USP30: variants seen among roughly 807,000 people sequenced by gnomAD.
USP30 encodes ubiquitin specific peptidase 30.
In USP30, 41 loss-of-function variants were observed where a neutral mutation model predicts 68.2. That is an observed-to-expected ratio of 0.60 (90% CI 0.47 to 0.78). USP30 has a LOEUF of 0.78. USP30 is among the 30% of genes least tolerant of loss of function. The pLI is 0.00. For missense variants in USP30, 522 were observed against 649.4 expected (o/e 0.80, Z 2.13); for synonymous variants, 229 against 253.7 (o/e 0.90, Z 0.93).
At chr12:109,025,570 A>G (rs1048530556) in intron 2 of USP30, among the ~76,000 whole-genome samples, 11 of 152,222 alleles carry the variant, frequency 7.2e-5, no homozygotes, top group Non-Finnish European at 1.3e-4. Context: ...GAACATGTCC[A>G]AAATTGAGAA....
rs567276793 is a variant in USP30, at chr12:109,036,394, A to G, written c.-136+8838A>G. On this transcript the variant is annotated intron_variant, in intron 3 of 15. Transcript: ENST00000392784. ...CAGCTCCCTGCAACCTCCACCTCCC[A>G]GGTTCAAGAGATTCTCCTGCCTCAG... Among the ~76,000 whole-genome samples, 319 of 150,966 alleles carry G rather than the reference A, an allele frequency of 2.1e-3. 1 individual carries two copies. The highest frequency in any genetic ancestry group is 7.1e-3 in the African/African-American group (290 of 41,110).
chr12:109,072,346 A>C lies in USP30; in HGVS notation c.621A>C (p.Thr207=), dbSNP rs760825546. 9.9e-6 allele frequency: 16 copies of C among 1,613,422 alleles called. No individual in the cohort carries two copies. ...EITPKQITCR[T]RGSPHPTSNH... ...CTCCCAAACAAATTACCTGCCGCAC[A>C]AGAGGTAGCTGTTTTCCATTGAAAT... is the stretch of plus-strand genomic sequence containing the variant. Residue 207 remains threonine, a synonymous_variant, in exon 6 of 13, where the codon ACA becomes ACC. Coordinates refer to ENST00000257548, the MANE Select transcript of USP30 (RefSeq NM_032663.5).
chr12:109,049,986 G>A (rs1026639872), upstream of USP30, among the ~76,000 whole-genome samples: 2 of 151,892 alleles, frequency 1.3e-5, no homozygotes, highest in Admixed American at 1.3e-4. Context: ...GCACAATAAA[G>A]TGAAGTGCAA....
chr12:109,066,162 G>T (rs1593263753), intron 3 of USP30, among the ~76,000 whole-genome samples: 1 of 151,420 alleles, frequency 6.6e-6, no homozygotes, highest in African/African-American at 2.4e-5. Context: ...CAAGATGGGA[G>T]GATTGCTTGG....
chr12:109,085,407 T>A (rs1369408264), intron 12 of USP30, among the ~76,000 whole-genome samples: 1 of 152,152 alleles, frequency 6.6e-6, no homozygotes, highest in African/African-American at 2.4e-5. Flanking sequence ...AAGTTGTACA[T>A]CACACATACA....
intron 3 of USP30, among the ~76,000 whole-genome samples, chr12:109,027,940 A>G (rs1249612851): frequency 6.6e-6 from 1 of 152,190 alleles, no homozygotes; most frequent in Non-Finnish European, 1.5e-5. Context: ...TCATATGGTA[A>G]CTATGTTTAA....
chr12:109,066,674 G>C (rs942131727), intron 3 of USP30, among the ~76,000 whole-genome samples: 2 of 152,040 alleles, frequency 1.3e-5, no homozygotes, highest in Non-Finnish European at 2.9e-5. Context: ...GACAGAGCAC[G>C]ACTCTGTTTC....
chr12:109,030,025 C>A (rs930747892), intron 3 of USP30, among the ~76,000 whole-genome samples: 1 of 152,180 alleles, frequency 6.6e-6, no homozygotes, highest in African/African-American at 2.4e-5. Flanking sequence ...TATTGAAATA[C>A]GTGTTGAACT....
At chr12:109,032,435 C>T (rs1377624526) in intron 3 of USP30, among the ~76,000 whole-genome samples, 5 of 151,990 alleles carry the variant, frequency 3.3e-5, no homozygotes, top group Admixed American at 2.6e-4. Flanking sequence ...TGTGGTATAC[C>T]CATACAATGG....
chr12:109,084,576 G>T (rs1043155404), intron 11 of USP30, among the ~76,000 whole-genome samples: 1 of 152,120 alleles, frequency 6.6e-6, no homozygotes, highest in Non-Finnish European at 1.5e-5. Flanking sequence ...GACAGCCCCC[G>T]CAACAAAGAA....
At chr12:109,078,896 C>A (rs1319047223) in intron 7 of USP30, among the ~76,000 whole-genome samples, 1 of 152,152 alleles carries the variant, frequency 6.6e-6, no homozygotes, top group Non-Finnish European at 1.5e-5. Flanking sequence ...ATTTTAAATT[C>A]ATCACTTTAA....
rs1055792882 is a variant in USP30 at position 109,030,279 on chromosome 12, A to C, written c.-136+2723A>C. On this transcript the variant is annotated intron_variant, in intron 3 of 15. Transcript: ENST00000392784. Reference sequence around the variant, plus strand: ...TGAGTCTCAGTTGCATCATCTGTAAAATAGAGACAGATACCAACCTGCAGG... The same window carrying C: ...TGAGTCTCAGTTGCATCATCTGTAACATAGAGACAGATACCAACCTGCAGG... 4.6e-5 allele frequency among the ~76,000 whole-genome samples: 7 copies of C among 152,172 alleles called. No individual in the cohort carries two copies. In the East Asian group the frequency reaches 1.3e-3, roughly 29 times the overall value.
chr12:109,075,487 A>G (rs965244808), intron 7 of USP30, among the ~76,000 whole-genome samples: 5 of 152,120 alleles, frequency 3.3e-5, no homozygotes, highest in African/African-American at 4.8e-5. Flanking sequence ...AGTAGCTGGG[A>G]TTACAGGCAC....
chr12:109,075,841 CTTTT>C (rs34221615), intron 7 of USP30, among the ~76,000 whole-genome samples: 12 of 119,668 alleles, frequency 1.0e-4, no homozygotes, highest in Admixed American at 1.7e-4. Context: ...GTTACTTTTT[CTTTT>C]TTTTTTTTTT....
intron 3 of USP30, among the ~76,000 whole-genome samples, chr12:109,063,457 A>G (rs965931025): frequency 2.0e-5 from 3 of 152,214 alleles, no homozygotes; most frequent in Non-Finnish European, 4.4e-5. Flanking sequence ...TCCCTCTGTC[A>G]GTCAGTGGAC....
chr12:109,073,654 A>G (rs2135785496), intron 7 of USP30, 122 bp downstream of exon 7: 1 of 786,052 alleles, frequency 1.3e-6, no homozygotes, highest in South Asian at 1.7e-5. Flanking sequence ...TGGCCTCTGC[A>G]CACTAGTGGA....
intron 4 of USP30, 32 bp from the exon 5 acceptor site, chr12:109,071,580 A>G (rs368198239): frequency 8.8e-6 from 14 of 1,599,238 alleles, no homozygotes; most frequent in East Asian, 2.2e-5. Flanking sequence ...GCCTCTTCCA[A>G]CCTCTCTAAA....
chr12:109,072,380 T>TA, intron 6 of USP30, 30 bp downstream of exon 6: 1 of 1,599,380 alleles, frequency 6.3e-7, no homozygotes, highest in Non-Finnish European at 8.6e-7. Context: ...ATATAACACA[T>TA]AAGATGTGGA....
chr12:109,036,517 C>T (rs929671927), intron 3 of USP30, among the ~76,000 whole-genome samples: 1 of 152,032 alleles, frequency 6.6e-6, no homozygotes, highest in African/African-American at 2.4e-5. Flanking sequence ...TGGCAGGTCT[C>T]AAACTCCAGA....
Sources: gnomAD v4.1 joint callset for allele counts (sites outside exome capture counted in the v4.1 genomes callset) on GRCh38, gnomAD v4.1.1 for gene constraint, MANE v1.5 for transcripts, NCBI Gene and HGNC (gene_info 2026-07-23, HGNC 2026-07-21) for gene names.